The following CHM variants were observed in gnomAD, a reference collection of about 807,000 sequenced individuals.
The protein encoded by CHM is rab proteins geranylgeranyltransferase component A 1.
Under a neutral mutation model 49.0 loss-of-function variants are expected in CHM, and 10 were observed. The observed-to-expected ratio is 0.20, with a 90% CI of 0.13 to 0.35. CHM has a LOEUF of 0.35. Among genes scored for constraint, CHM ranks in the 10% least tolerant of loss-of-function variants. The pLI is 1.00. For synonymous variants in CHM, 184 were observed against 167.5 expected, an observed-to-expected ratio of 1.10 and a Z score of -0.76; for missense variants, 455 against 478.4, an observed-to-expected ratio of 0.95 and a Z score of 0.46.
rs1350185539 is a variant in CHM at position 85,924,760 on chromosome X, T to C, written c.1167-13422A>G. On this transcript the variant is annotated intron_variant, in intron 8 of 14. Transcript: ENST00000357749. The stretch of plus-strand genomic sequence containing the variant: ...GTCTAGTGGGGCTTCTGGTGTGGAT[T>C]TCCCACTCAAGGAAAAGGTTGTGGG... 3.6e-5 allele frequency among the ~76,000 whole-genome samples: 4 copies of C among 111,713 alleles called. No individual in the cohort carries two copies. In the Middle Eastern group the frequency reaches 0.014, roughly 388 times the overall value.
chrX:86,033,179 A>G (rs896922121), intron 1 of CHM, among the ~76,000 whole-genome samples: 9 of 111,511 alleles, frequency 8.1e-5, no homozygotes, highest in Non-Finnish European at 1.3e-4. Context: ...ATGTATTAGT[A>G]TCTGGGATTG....
intron 14 of CHM, among the ~76,000 whole-genome samples, chrX:85,869,343 T>A (rs1476999073): frequency 1.8e-5 from 2 of 111,248 alleles, no homozygotes; most frequent in African/African-American, 6.5e-5. Context: ...TACTACTAAT[T>A]CTTTTACTTC....
At position 85,873,101 on chromosome X, in the gene CHM, A is replaced by G. The variant is rs1051146327; in HGVS notation, c.1721T>C (p.Val574Ala). ...TAAACCACAATCTGGGCCAGAGCAG[A>G]CATAAACGTTGGATGGTAAATCATT... The part of the protein sequence containing the change: ...CYNDLPSNVY[V>A]CSGPDCGLGN... The change falls in exon 14 of 15, where the codon GTC (valine) becomes GCC (alanine). Residue 574 changes from valine (V) to alanine (A), a missense_variant. Transcript: ENST00000357749. The G allele has an allele frequency of 6.6e-6, 8 of 1,206,589 alleles. No individual in the cohort carries two copies. Among genetic ancestry groups the G allele is most frequent in the Non-Finnish European group, 7.8e-6 (7 of 892,706 alleles).
chrX:85,903,476 TATG>T (rs753077351), intron 9 of CHM, among the ~76,000 whole-genome samples: 1 of 111,081 alleles, frequency 9.0e-6, no homozygotes, highest in African/African-American at 3.3e-5. Flanking sequence ...TTTCAAAAGT[TATG>T]ATATTAGAAA....
At chrX:85,866,303 G>T (rs1201936810) in intron 14 of CHM, among the ~76,000 whole-genome samples, 1 of 112,630 alleles carries the variant, frequency 8.9e-6, no homozygotes, top group Admixed American at 9.3e-5. Context: ...GCTTCAGAGG[G>T]TGCAAGCCCC....
intron 8 of CHM, among the ~76,000 whole-genome samples, chrX:85,918,132 C>T (rs1002325872): frequency 1.8e-5 from 2 of 110,699 alleles, no homozygotes; most frequent in East Asian, 2.8e-4. Context: ...AAGGTCAACT[C>T]GAAAGAAAAA....
chrX:85,934,646 G>A (rs376735754), intron 8 of CHM, among the ~76,000 whole-genome samples: 27 of 110,025 alleles, frequency 2.5e-4, no homozygotes, highest in South Asian at 4.0e-4. Context: ...AGTATTCCAC[G>A]GTGTATATGT....
Position 85,947,400 on chromosome X carries a change from T to C in CHM, c.1166+8753A>G, listed in dbSNP as rs1044917273. On this transcript the variant is annotated intron_variant, in intron 8 of 14. Coordinates refer to ENST00000357749, the MANE Select transcript of CHM (RefSeq NM_000390.4). ...ATGATAATGAGTGAGTTCTCATGAG[T>C]TCTGGCTGTTAAAAAGTGTGTGGCA... 1.6e-4 allele frequency among the ~76,000 whole-genome samples: 18 copies of C among 111,162 alleles called. No individual in the cohort carries two copies. The Admixed American group carries it at 1.6e-3, about 10-fold the overall frequency.
chrX:85,922,733 C>T (rs1224366992), intron 8 of CHM, among the ~76,000 whole-genome samples: 3 of 112,019 alleles, frequency 2.7e-5, no homozygotes, highest in Non-Finnish European at 5.6e-5. Flanking sequence ...GATGATCTTT[C>T]ATAGGCAATG....
chrX:86,032,622 T>A (rs1169191436), intron 1 of CHM, among the ~76,000 whole-genome samples: 1 of 112,246 alleles, frequency 8.9e-6, no homozygotes, highest in African/African-American at 3.2e-5. Flanking sequence ...TTAATATCAT[T>A]TAAACATTTC....
chrX:86,004,421 T>A (rs1419845950), intron 2 of CHM, among the ~76,000 whole-genome samples: 1 of 111,452 alleles, frequency 9.0e-6, no homozygotes, highest in African/African-American at 3.3e-5. Flanking sequence ...AATATTAACC[T>A]CAAATGTAAA....
At chrX:85,934,468 C>G (rs1014835801) in intron 8 of CHM, among the ~76,000 whole-genome samples, 1 of 85,378 alleles carries the variant, frequency 1.2e-5, no homozygotes, top group Non-Finnish European at 2.2e-5. Flanking sequence ...GTTCCCCATC[C>G]TGTGTCCATC....
rs1057189541 is a variant in CHM at position 85,861,340 on chromosome X, C to G, written c.*3290G>C. On this transcript the variant is annotated 3_prime_UTR_variant, in exon 15 of 15. Transcript: ENST00000357749. Reference sequence around the variant, plus strand: ...TAACTTATTTGCAAGAAAATTATTACAATTCCTACTGTAAAGAATCACCAA... The same window carrying G: ...TAACTTATTTGCAAGAAAATTATTAGAATTCCTACTGTAAAGAATCACCAA... The G allele has an allele frequency of 8.9e-6, 1 of 111,802 alleles. No homozygotes were observed. Among genetic ancestry groups the G allele is most frequent in the Non-Finnish European group, 1.9e-5 (1 of 53,132 alleles). The allele number at this position is 111,802 out of a possible 1,213,427, so 9.2% of individuals were successfully genotyped here. A position where few individuals can be genotyped will look rare whatever the true frequency, so the allele number is the denominator to read the frequency against.
chrX:85,996,041 C>T (rs1399585325), intron 2 of CHM, among the ~76,000 whole-genome samples: 1 of 111,802 alleles, frequency 8.9e-6, no homozygotes, highest in Non-Finnish European at 1.9e-5. Flanking sequence ...AGTCTTGAAT[C>T]TAAAACCTTT....
chrX:85,876,410 A>C (rs1024578645), intron 13 of CHM, among the ~76,000 whole-genome samples: 10 of 112,133 alleles, frequency 8.9e-5, no homozygotes, highest in African/African-American at 2.9e-4. Context: ...ACTAAAAGCC[A>C]TCAATCTGTG....
At chrX:86,032,837 T>A (rs982225405) in intron 1 of CHM, among the ~76,000 whole-genome samples, 8 of 111,586 alleles carry the variant, frequency 7.2e-5, no homozygotes, top group African/African-American at 2.6e-4. Context: ...TCCTCCATCA[T>A]GACTTTCACA....
At chrX:86,008,199 C>G (rs761556702) in intron 2 of CHM, among the ~76,000 whole-genome samples, 8 of 111,532 alleles carry the variant, frequency 7.2e-5, no homozygotes, top group South Asian at 3.8e-4. Flanking sequence ...TAGGTGGGAA[C>G]TGAACAATGA....
At chrX:86,045,206 A>G (rs1934607702) in intron 1 of CHM, among the ~76,000 whole-genome samples, 1 of 112,227 alleles carries the variant, frequency 8.9e-6, no homozygotes, top group Non-Finnish European at 1.9e-5. Flanking sequence ...GAATCTATGA[A>G]ACACTGCTTT....
chrX:85,995,082 A>G (rs1043692790), intron 2 of CHM, among the ~76,000 whole-genome samples: 4 of 110,032 alleles, frequency 3.6e-5, no homozygotes, highest in Non-Finnish European at 5.7e-5. Context: ...CTCCTCATGT[A>G]AAAACTATAA....
Sources: gnomAD v4.1 joint callset for allele counts (sites outside exome capture counted in the v4.1 genomes callset) on GRCh38, gnomAD v4.1.1 for gene constraint, MANE v1.5 for transcripts, NCBI Gene and HGNC (gene_info 2026-07-23, HGNC 2026-07-21) for gene names.